Variants in LRRC37A3 observed in about 807,000 individuals in gnomAD.
LRRC37A3 encodes the protein leucine-rich repeat-containing protein 37A3.
A neutral mutation model predicts 106.2 loss-of-function variants in LRRC37A3; 25 were observed. The observed-to-expected ratio is 0.24, with a 90% confidence interval of 0.17 to 0.33. LRRC37A3 has a LOEUF of 0.33. LRRC37A3 is among the 10% of genes least tolerant of loss of function. LRRC37A3 has a pLI of 1.00. For synonymous variants in LRRC37A3, 305 were observed against 635.8 expected, an observed-to-expected ratio of 0.48 and a Z score of 7.83; for missense variants, 712 against 1,644.9, an observed-to-expected ratio of 0.43 and a Z score of 9.81.
chr17:64,862,255 T>C (rs1972901649), intron 11 of LRRC37A3, among the ~76,000 whole-genome samples: 1 of 152,186 alleles, frequency 6.6e-6, no homozygotes, highest in African/African-American at 2.4e-5. Context: ...ATGAAGTTGA[T>C]GCTAATAAAC....
At chr17:64,890,698 G>T (rs1973928352) in intron 5 of LRRC37A3, among the ~76,000 whole-genome samples, 2 of 145,536 alleles carry the variant, frequency 1.4e-5, no homozygotes, top group Non-Finnish European at 2.9e-5. Context: ...TGGGTGTGAT[G>T]GAGGGCACCT....
At chr17:64,917,299 ACAGAG>A (rs1974728687) in intron 2 of LRRC37A3, among the ~76,000 whole-genome samples, 1 of 151,356 alleles carries the variant, frequency 6.6e-6, no homozygotes, top group African/African-American at 2.4e-5. Context: ...TAGGGAGGAT[ACAGAG>A]CAACCGGAAC....
rs535633322 is a variant in LRRC37A3 at position 64,874,449 on chromosome 17, G to T, written c.2907-5283C>A. On this transcript the variant is annotated intron_variant, in intron 8 of 14. Transcript: ENST00000584306. ...TGAGAAGTGAGGAGCCCCTCCGCCC[G>T]GCCAGCCGCCCCATCCGGGAGGGAG... Among the ~76,000 whole-genome samples, 125 of 151,552 alleles carry T rather than the reference G, an allele frequency of 8.2e-4. 1 individual carries two copies. Among genetic ancestry groups the T allele is most frequent in the Non-Finnish European group, 1.4e-3 (92 of 67,894 alleles).
chr17:64,871,276 T>C (rs1396013341), intron 8 of LRRC37A3, among the ~76,000 whole-genome samples: 3 of 152,050 alleles, frequency 2.0e-5, no homozygotes, highest in Admixed American at 6.5e-5. Context: ...TGCTTGCCTG[T>C]AATTCCAGCT....
intron 2 of LRRC37A3, among the ~76,000 whole-genome samples, chr17:64,911,066 G>C (rs1375203183): frequency 6.6e-6 from 1 of 152,084 alleles, no homozygotes. Context: ...ATAGATATAT[G>C]TATCTATATA....
At chr17:64,858,262 C>G (rs1972746921) in intron 13 of LRRC37A3, among the ~76,000 whole-genome samples, 1 of 152,318 alleles carries the variant, frequency 6.6e-6, no homozygotes, top group African/African-American at 2.4e-5. Flanking sequence ...GATGGCTACT[C>G]TGTAGTGCTT....
At chr17:64,918,188 TA>T (rs558382874) in intron 2 of LRRC37A3, among the ~76,000 whole-genome samples, 68 of 145,894 alleles carry the variant, frequency 4.7e-4, no homozygotes, top group Middle Eastern at 3.7e-3. Flanking sequence ...ATATCTGATT[TA>T]AAAAAAAAAA....
intron 2 of LRRC37A3, chr17:64,909,522 A>G (rs1210086472): frequency 6.6e-6 from 1 of 152,210 alleles, no homozygotes; most frequent in East Asian, 1.9e-4. Flanking sequence ...ATGCAACTCA[A>G]ATCTACAGAA....
rs1973151763 is a variant in LRRC37A3, at chr17:64,867,405, A to G, written c.3053+1057T>C. On this transcript the variant is annotated intron_variant, in intron 10 of 14. Transcript: ENST00000584306. ...GAGATGGCATTTCCACACAACCGGA[A>G]TACTACTCAGCAATAAAAAGGAGTG... Among the ~76,000 whole-genome samples, 3 of 151,964 alleles carry G rather than the reference A, an allele frequency of 2.0e-5. No homozygotes were observed. In the South Asian group the frequency reaches 6.2e-4, roughly 32 times the overall value.
Position 64,869,426 on chromosome 17 carries a change from A to G in LRRC37A3, c.2907-260T>C, listed in dbSNP as rs572334033. ...GGATAGCAAAGAAAAAATATGCCACAGAACTTTTCAGGTCAAAAACCCTAA... is the reference window on the plus strand; with the variant it reads ...GGATAGCAAAGAAAAAATATGCCACGGAACTTTTCAGGTCAAAAACCCTAA... On this transcript the variant is annotated intron_variant, in intron 8 of 14. Coordinates refer to ENST00000584306, the MANE Select transcript of LRRC37A3 (RefSeq NM_199340.5). 8.4e-4 allele frequency among the ~76,000 whole-genome samples: 128 copies of G among 152,316 alleles called. 1 individual carries two copies. Among genetic ancestry groups the G allele is most frequent in the African/African-American group, 3.0e-3 (124 of 41,572 alleles).
chr17:64,896,972 G>C lies in LRRC37A3; in HGVS notation c.286C>G (p.Pro96Ala). The C allele has an allele frequency of 2.6e-6, 4 of 1,560,090 alleles. No individual in the cohort carries two copies. Among genetic ancestry groups the C allele is most frequent in the Non-Finnish European group, 3.5e-6 (4 of 1,150,434 alleles). The change falls in exon 4 of 15, where the codon CCA (proline) becomes GCA (alanine). Residue 96 changes from proline to alanine, a missense_variant. Coordinates refer to ENST00000584306, the MANE Select transcript of LRRC37A3 (RefSeq NM_199340.5). ...HLGPSASSEM[P>A]APPQESTENL... The stretch of plus-strand genomic sequence containing the variant: ...TCAGTCGATTCCTGGGGTGGGGCTG[G>C]CATCTCTGAGGAAGCAGAGGGCCCC...
intron 10 of LRRC37A3, among the ~76,000 whole-genome samples, chr17:64,866,420 C>G (rs1973071470): frequency 6.6e-6 from 1 of 150,736 alleles, no homozygotes; most frequent in Non-Finnish European, 1.5e-5. Context: ...GCATAATGCC[C>G]TCAACCAGCC....
At chr17:64,859,285 C>G (rs1238787727) in intron 12 of LRRC37A3, among the ~76,000 whole-genome samples, 157 bp downstream of exon 12, 1 of 152,080 alleles carries the variant, frequency 6.6e-6, no homozygotes, top group Admixed American at 6.6e-5. Flanking sequence ...CTATTTCACT[C>G]TCTACATGAG....
At chr17:64,863,953 C>A (rs1399685920) in intron 10 of LRRC37A3, among the ~76,000 whole-genome samples, 2 of 151,438 alleles carry the variant, frequency 1.3e-5, no homozygotes, top group Non-Finnish European at 2.9e-5. Flanking sequence ...TATAGGCTTG[C>A]ACCACCATGC....
chr17:64,909,334 A>G (rs1188940758), intron 2 of LRRC37A3, among the ~76,000 whole-genome samples: 2 of 152,202 alleles, frequency 1.3e-5, no homozygotes, highest in Non-Finnish European at 1.5e-5. Context: ...ATTTCAGAGA[A>G]ATTCAGAACC....
At chr17:64,868,600 T>C (rs1973199861) in intron 9 of LRRC37A3, 64 bp from the exon 10 acceptor site, 1 of 1,539,852 alleles carries the variant, frequency 6.5e-7, no homozygotes, top group Non-Finnish European at 8.9e-7. Flanking sequence ...ACTTAACAAT[T>C]CAATTTTGGC....
At chr17:64,858,251 A>G (rs1361373635) in intron 13 of LRRC37A3, among the ~76,000 whole-genome samples, 1 of 152,182 alleles carries the variant, frequency 6.6e-6, no homozygotes, top group African/African-American at 2.4e-5. Flanking sequence ...TTTTTGTAAA[A>G]GATGGCTACT....
At chr17:64,875,214 C>G (rs1224531260) in intron 8 of LRRC37A3, among the ~76,000 whole-genome samples, 2 of 152,154 alleles carry the variant, frequency 1.3e-5, no homozygotes, top group Admixed American at 6.5e-5. Flanking sequence ...GAGGTGGAGG[C>G]TGCAACGATG....
intron 8 of LRRC37A3, chr17:64,880,950 A>G (rs1973679537): frequency 3.4e-6 from 2 of 595,110 alleles, no homozygotes; most frequent in Non-Finnish European, 6.0e-6. Context: ...ATAAATTTAA[A>G]TGACAAACTC....
Sources: allele counts gnomAD v4.1 joint callset (sites outside exome capture counted in the v4.1 genomes callset), GRCh38; gene constraint gnomAD v4.1.1; transcripts MANE v1.5; gene names NCBI Gene and HGNC (gene_info 2026-07-23, HGNC 2026-07-21).